Variants in WDR49 observed in about 807,000 individuals in gnomAD.
The protein encoded by WDR49 is cilia- and flagella-associated protein 337.
A neutral mutation model predicts 119.5 loss-of-function variants in WDR49; 107 were observed. The ratio of observed to expected loss-of-function variants is 0.90; its 90% confidence interval spans 0.77 to 1.05. WDR49 has a LOEUF of 1.05. Among genes scored for constraint, WDR49 ranks in the 50% least tolerant of loss-of-function variants. The pLI is 0.00. For synonymous variants in WDR49, 425 were observed against 418.8 expected, an observed-to-expected ratio of 1.01 and a Z score of -0.18; for missense variants, 1,240 against 1,220.5, an observed-to-expected ratio of 1.02 and a Z score of -0.24.
intron 7 of WDR49, among the ~76,000 whole-genome samples, chr3:167,592,682 G>A (rs562283812): frequency 7.2e-5 from 11 of 152,060 alleles, no homozygotes; most frequent in South Asian, 2.1e-4. Context: ...ATCCTCCCAC[G>A]TCAGTCTCCC....
intron 5 of WDR49, among the ~76,000 whole-genome samples, chr3:167,616,618 C>T (rs1232710853): frequency 1.3e-5 from 2 of 148,284 alleles, no homozygotes; most frequent in African/African-American, 5.1e-5. Context: ...AATTAGAGTC[C>T]TATTAAAAAA....
At chr3:167,564,444 C>T (rs1173357730) in intron 8 of WDR49, among the ~76,000 whole-genome samples, 2 of 152,192 alleles carry the variant, frequency 1.3e-5, no homozygotes, top group South Asian at 2.1e-4. Context: ...ATTCACTACA[C>T]GACAATGGAA....
intron 2 of WDR49, among the ~76,000 whole-genome samples, chr3:167,639,362 C>T (rs941446000): frequency 2.6e-5 from 4 of 151,658 alleles, no homozygotes; most frequent in Non-Finnish European, 4.4e-5. Flanking sequence ...AACTGATGTT[C>T]AGGCTTATTA....
At chr3:167,565,691 T>G (rs914428456) in intron 8 of WDR49, among the ~76,000 whole-genome samples, 1 of 152,068 alleles carries the variant, frequency 6.6e-6, no homozygotes, top group Non-Finnish European at 1.5e-5. Context: ...CACAGTGTCC[T>G]TGGCACATTC....
At chr3:167,518,117 T>G (rs1300237049) in intron 16 of WDR49, among the ~76,000 whole-genome samples, 1 of 152,084 alleles carries the variant, frequency 6.6e-6, no homozygotes, top group African/African-American at 2.4e-5. Flanking sequence ...CCACATTTTC[T>G]TAATCCAGTC....
intron 5 of WDR49, among the ~76,000 whole-genome samples, chr3:167,613,427 C>A (rs559728347): frequency 6.6e-6 from 1 of 152,138 alleles, no homozygotes; most frequent in Non-Finnish European, 1.5e-5. Context: ...CTGCTCACAG[C>A]GGATTTCAAC....
In WDR49 at chr3:167,646,350, G is replaced by A. The variant is rs1269433528; in HGVS notation, c.165+6911C>T. Among the ~76,000 whole-genome samples the A allele has an allele frequency of 2.6e-5, 4 of 152,054 alleles. No individual in the cohort carries two copies. The East Asian group carries it at 7.7e-4, about 29-fold the overall frequency. ...GAGAAATATTTTCTGCTATCTCTGGGGCCAAGGATCAGTTTGGCCTCTGGG... is the reference window on the plus strand; with the variant it reads ...GAGAAATATTTTCTGCTATCTCTGGAGCCAAGGATCAGTTTGGCCTCTGGG... On this transcript the variant is annotated intron_variant, in intron 2 of 18. Transcript: ENST00000682715.
intron 7 of WDR49, among the ~76,000 whole-genome samples, chr3:167,583,807 C>T (rs1714673736): frequency 6.6e-6 from 1 of 152,020 alleles, no homozygotes; most frequent in African/African-American, 2.4e-5. Context: ...TTCATTATAC[C>T]CTACAGAAAC....
At chr3:167,508,856 A>G (rs1017769123) in intron 16 of WDR49, among the ~76,000 whole-genome samples, 6 of 152,210 alleles carry the variant, frequency 3.9e-5, no homozygotes, top group Admixed American at 1.3e-4. Context: ...TGGGATTTTA[A>G]TATTTTGTGT....
chr3:167,519,154 C>G (rs926137093), intron 16 of WDR49, among the ~76,000 whole-genome samples: 1 of 152,008 alleles, frequency 6.6e-6, no homozygotes, highest in Middle Eastern at 3.2e-3. Flanking sequence ...CAGAGAGATA[C>G]GAATGCTTTT....
chr3:167,521,273 CAA>C (rs1752423378), intron 16 of WDR49, among the ~76,000 whole-genome samples: 1 of 152,098 alleles, frequency 6.6e-6, no homozygotes, highest in Admixed American at 6.6e-5. Flanking sequence ...AGAAACTAGT[CAA>C]AGAGTTCATG....
intron 16 of WDR49, among the ~76,000 whole-genome samples, chr3:167,509,556 C>G (rs1338614744): frequency 6.6e-6 from 1 of 152,048 alleles, no homozygotes; most frequent in African/African-American, 2.4e-5. Flanking sequence ...CAATAACAAC[C>G]ATTTTTGGTT....
intron 7 of WDR49, among the ~76,000 whole-genome samples, chr3:167,586,997 C>A (rs1375672368): frequency 6.6e-6 from 1 of 152,020 alleles, no homozygotes; most frequent in Non-Finnish European, 1.5e-5. Flanking sequence ...TATTTAACTA[C>A]AATTTATTGG....
upstream of WDR49, among the ~76,000 whole-genome samples, chr3:167,656,212 C>G (rs1388263858): frequency 6.6e-6 from 1 of 152,106 alleles, no homozygotes; most frequent in Non-Finnish European, 1.5e-5. Context: ...TTCGATAAGT[C>G]CTTCTTGTAA....
intron 18 of WDR49, among the ~76,000 whole-genome samples, chr3:167,490,503 T>C (rs1298726389): frequency 6.6e-6 from 1 of 152,204 alleles, no homozygotes; most frequent in Non-Finnish European, 1.5e-5. Flanking sequence ...TACAAATGCT[T>C]TCTTCCTACA....
chr3:167,558,275 C>G (rs1288842533), intron 9 of WDR49, among the ~76,000 whole-genome samples: 1 of 151,972 alleles, frequency 6.6e-6, no homozygotes, highest in Admixed American at 6.6e-5. Flanking sequence ...ATTAATTATT[C>G]AAAACATTAA....
chr3:167,500,127 G>A (rs748834020), intron 18 of WDR49, 26 bp downstream of exon 18: 1 of 1,529,860 alleles, frequency 6.5e-7, no homozygotes, highest in Middle Eastern at 2.0e-4. Flanking sequence ...AGGGATAATA[G>A]AGGTGTATGA....
chr3:167,565,867 A>T (rs985844023), intron 8 of WDR49, among the ~76,000 whole-genome samples: 3 of 152,166 alleles, frequency 2.0e-5, no homozygotes, highest in African/African-American at 7.2e-5. Flanking sequence ...CCTCTTTTTC[A>T]CTAATATTAA....
At chr3:167,517,256 C>T (rs1353828105) in intron 16 of WDR49, among the ~76,000 whole-genome samples, 1 of 152,084 alleles carries the variant, frequency 6.6e-6, no homozygotes, top group Non-Finnish European at 1.5e-5. Context: ...CATCAGGCTA[C>T]CCAACTTCAA....
Sources: gnomAD v4.1 joint callset for allele counts (sites outside exome capture counted in the v4.1 genomes callset) on GRCh38, gnomAD v4.1.1 for gene constraint, MANE v1.5 for transcripts, NCBI Gene and HGNC (gene_info 2026-07-23, HGNC 2026-07-21) for gene names.